The following TDRD7 variants were observed in gnomAD, a reference collection of about 807,000 sequenced individuals.
TDRD7 encodes the protein tudor domain containing 7.
In TDRD7, 47 loss-of-function variants were observed where a neutral mutation model predicts 109.8. That is an observed-to-expected ratio of 0.43 (90% CI 0.34 to 0.55). The LOEUF (loss-of-function observed/expected upper bound fraction) is 0.55. TDRD7 is among the 20% of genes least tolerant of loss of function. The pLI is 0.03. For missense variants in TDRD7, 1,164 were observed against 1,319.2 expected (o/e 0.88, Z 1.82); for synonymous variants, 424 against 457.3 (o/e 0.93, Z 0.93).
chr9:97,469,747 T>C (rs909341284), intron 8 of TDRD7, among the ~76,000 whole-genome samples: 2 of 152,126 alleles, frequency 1.3e-5, no homozygotes, highest in African/African-American at 4.8e-5. Context: ...TTTTTATTTT[T>C]CTCAAAAAAA....
Position 97,442,122 on chromosome 9 carries a change from C to T in TDRD7, c.855+247C>T, listed in dbSNP as rs1828316981. 2.0e-5 allele frequency among the ~76,000 whole-genome samples: 3 copies of T among 152,112 alleles called. No individual in the cohort carries two copies. In the East Asian group the frequency reaches 5.8e-4, roughly 29 times the overall value. On this transcript the variant is annotated intron_variant, in intron 6 of 16. Coordinates refer to ENST00000355295, the MANE Select transcript of TDRD7 (RefSeq NM_014290.3). ...TTTGTTTTATGTCATTTTTAAAATG[C>T]ATTTAATATGTGATAATATGTAAAC...
chr9:97,468,858 T>C (rs1828864537), intron 8 of TDRD7, among the ~76,000 whole-genome samples: 1 of 152,030 alleles, frequency 6.6e-6, no homozygotes, highest in Non-Finnish European at 1.5e-5. Context: ...TCCCAGGACA[T>C]TAGAGAGAGA....
Position 97,457,135 on chromosome 9 carries a change from C to T in TDRD7, c.856-3043C>T, listed in dbSNP as rs142599409. 1.1e-4 allele frequency among the ~76,000 whole-genome samples: 17 copies of T among 152,254 alleles called. No homozygotes were observed. The East Asian group carries it at 3.3e-3, about 29-fold the overall frequency. ...ACCACAGTGAGATACTATCTCATGC[C>T]AGGCAGAATGGCAATTATTAAAAAG... is the stretch of plus-strand genomic sequence containing the variant. On this transcript the variant is annotated intron_variant, in intron 6 of 16. Coordinates refer to ENST00000355295, the MANE Select transcript of TDRD7 (RefSeq NM_014290.3).
intron 1 of TDRD7, among the ~76,000 whole-genome samples, chr9:97,424,049 C>CTTTTTTTTTTTTT (rs56369544): frequency 2.0e-5 from 1 of 48,866 alleles, no homozygotes; most frequent in Non-Finnish European, 3.4e-5. Context: ...CTTTTATATT[C>CTTTTTTTTTTTTT]TTTTTTTTTT....
chr9:97,438,718 G>A (rs914441486), intron 4 of TDRD7, among the ~76,000 whole-genome samples: 2 of 151,960 alleles, frequency 1.3e-5, no homozygotes, highest in African/African-American at 4.8e-5. Flanking sequence ...ATAGTTATTT[G>A]ACCAGTCCCT....
chr9:97,439,335 T>G lies in TDRD7; in HGVS notation c.637+17T>G, dbSNP rs374932479. 6.3e-7 allele frequency: 1 copy of G among 1,596,032 alleles called. No individual in the cohort carries two copies. The highest frequency in any genetic ancestry group is 8.5e-7 in the Non-Finnish European group (1 of 1,173,598). ...AAATGAGTGGTATGTTTTCCAAACA[T>G]TTTTGAGATACATATTGGCTTCCGG... is the stretch of plus-strand genomic sequence containing the variant. On this transcript the variant is annotated intron_variant, in intron 5 of 16. Transcript: ENST00000355295.
rs993794804 is a variant in TDRD7, at chr9:97,468,093, T to G, written c.1630-2465T>G. Among the ~76,000 whole-genome samples, 3 of 152,344 alleles carry G rather than the reference T, an allele frequency of 2.0e-5. No individual in the cohort carries two copies. The East Asian group carries it at 5.8e-4, about 29-fold the overall frequency. ...TAGGTTTGAGAATAGCTATCAGATG[T>G]CACATGGATGAATTTGGAGCTCAGG... is the stretch of plus-strand genomic sequence containing the variant. On this transcript the variant is annotated intron_variant, in intron 8 of 16. Coordinates refer to ENST00000355295, the MANE Select transcript of TDRD7 (RefSeq NM_014290.3).
intron 6 of TDRD7, among the ~76,000 whole-genome samples, chr9:97,451,498 G>A (rs779265225): frequency 4.6e-5 from 7 of 152,176 alleles, no homozygotes; most frequent in East Asian, 1.9e-4. Context: ...ATGTTGCCCC[G>A]GCTGGTCTTC....
chr9:97,444,028 A>C (rs1828356957), intron 6 of TDRD7, among the ~76,000 whole-genome samples: 1 of 152,158 alleles, frequency 6.6e-6, no homozygotes, highest in African/African-American at 2.4e-5. Flanking sequence ...TCACAATTCT[A>C]GAATTTCTCT....
intron 13 of TDRD7, among the ~76,000 whole-genome samples, chr9:97,479,682 G>A (rs1829082207): frequency 6.6e-6 from 1 of 152,132 alleles, no homozygotes; most frequent in South Asian, 2.1e-4. Context: ...CTAAATCAGA[G>A]TACCAAACTG....
At chr9:97,444,308 A>G (rs779636541) in intron 6 of TDRD7, among the ~76,000 whole-genome samples, 1 of 152,220 alleles carries the variant, frequency 6.6e-6, no homozygotes, top group Non-Finnish European at 1.5e-5. Flanking sequence ...AGGTTATAGT[A>G]ATTTGCTTAG....
intron 8 of TDRD7, among the ~76,000 whole-genome samples, chr9:97,468,756 G>T (rs1238303794): frequency 1.3e-5 from 2 of 152,190 alleles, no homozygotes; most frequent in South Asian, 4.1e-4. Context: ...TGGGTGATAG[G>T]TAGTGCTGGG....
intron 1 of TDRD7, among the ~76,000 whole-genome samples, chr9:97,420,133 A>G (rs988632710): frequency 3.9e-5 from 6 of 152,220 alleles, no homozygotes; most frequent in African/African-American, 1.4e-4. Context: ...ATGTGTATCA[A>G]CATTTGAATT....
chr9:97,486,778 T>TG (rs1261442053), intron 15 of TDRD7, among the ~76,000 whole-genome samples: 1 of 152,182 alleles, frequency 6.6e-6, no homozygotes, highest in Non-Finnish European at 1.5e-5. Flanking sequence ...CGTCCAAGCA[T>TG]GTACCATATC....
chr9:97,469,399 C>T (rs552292085), intron 8 of TDRD7, among the ~76,000 whole-genome samples: 5 of 152,334 alleles, frequency 3.3e-5, no homozygotes, highest in African/African-American at 9.6e-5. Flanking sequence ...ACAGGCCCCA[C>T]AGGCCCGCTT....
intron 6 of TDRD7, among the ~76,000 whole-genome samples, chr9:97,456,598 G>T (rs761150331): frequency 6.6e-6 from 1 of 152,218 alleles, no homozygotes; most frequent in Non-Finnish European, 1.5e-5. Context: ...AGTAAATGAT[G>T]CTGGGAAAAC....
chr9:97,435,551 A>G (rs998382638), intron 4 of TDRD7, among the ~76,000 whole-genome samples: 2 of 151,754 alleles, frequency 1.3e-5, no homozygotes. Context: ...TGGGAAGATC[A>G]CTTGAGCCTG....
chr9:97,447,689 C>T (rs1587871496), intron 6 of TDRD7, among the ~76,000 whole-genome samples: 1 of 152,190 alleles, frequency 6.6e-6, no homozygotes, highest in Non-Finnish European at 1.5e-5. Context: ...TCCCCCTACC[C>T]TCCCTGCACC....
rs7862568 is a variant in TDRD7, at chr9:97,458,796, A to C, written c.856-1382A>C. On this transcript the variant is annotated intron_variant, in intron 6 of 16. Transcript: ENST00000355295. ...TCAGACTAAAAGGAATTTTATTACC[A>C]AGTTGCCTATGTCTTTTAACTTGTC... Among the ~76,000 whole-genome samples the C allele has an allele frequency of 2.1e-3, 319 of 152,332 alleles. 2 individuals carry two copies. The highest frequency in any genetic ancestry group is 7.1e-3 in the African/African-American group (297 of 41,580).
Sources: allele counts gnomAD v4.1 joint callset (sites outside exome capture counted in the v4.1 genomes callset), GRCh38; gene constraint gnomAD v4.1.1; transcripts MANE v1.5; gene names NCBI Gene and HGNC (gene_info 2026-07-23, HGNC 2026-07-21).